SFMBT1: variants seen among roughly 807,000 people sequenced by gnomAD.
SFMBT1 encodes Scm like with four mbt domains 1, also known as scm-like with four MBT domains protein 1.
A neutral mutation model predicts 108.7 loss-of-function variants in SFMBT1; 32 were observed. The observed-to-expected ratio is 0.29, with a 90% CI of 0.22 to 0.40. The LOEUF (loss-of-function observed/expected upper bound fraction) is 0.40, where lower values mean the gene tolerates loss of function less well. SFMBT1 is among the 10% of genes least tolerant of loss of function. The pLI, the probability that SFMBT1 is intolerant of heterozygous loss-of-function variation, is 1.00. For synonymous variants in SFMBT1, 348 were observed against 369.5 expected, an observed-to-expected ratio of 0.94 and a Z score of 0.67; for missense variants, 816 against 1,059.6, an observed-to-expected ratio of 0.77 and a Z score of 3.19.
At chr3:53,024,947 T>C (rs1699438310) in intron 1 of SFMBT1, among the ~76,000 whole-genome samples, 2 of 152,194 alleles carry the variant, frequency 1.3e-5, no homozygotes, top group South Asian at 2.1e-4. Context: ...AAGTATACAA[T>C]GACTTTAGCC....
At position 52,907,549 on chromosome 3, in the gene SFMBT1, TCATACCTGGGG is replaced by T; in HGVS notation, c.2080_2085+5del. 1 of 1,611,186 alleles carries T rather than the reference TCATACCTGGGG, an allele frequency of 6.2e-7. No individual in the cohort carries two copies. Among genetic ancestry groups the T allele is most frequent in the Non-Finnish European group, 8.5e-7 (1 of 1,178,700 alleles). ...AGACATTACAGGCACATCACAGATC[TCATACCTGGGG>T]AGAGCCCGCTGGGGTATTATCAACA... On this transcript the variant is annotated splice_donor_variant and splice_donor_5th_base_variant and coding_sequence_variant and intron_variant, in exon 18 of 21. Coordinates refer to ENST00000394752, the MANE Select transcript of SFMBT1 (RefSeq NM_016329.4). LOFTEE classifies it high-confidence loss of function.
Position 52,954,311 on chromosome 3 carries a change from G to C in SFMBT1, c.123+6C>G. The C allele has an allele frequency of 6.3e-7, 1 of 1,598,554 alleles. No homozygotes were observed. The highest frequency in any genetic ancestry group is 1.1e-5 in the South Asian group (1 of 90,128). On this transcript the variant is annotated splice_donor_region_variant and intron_variant, in intron 3 of 20. Transcript: ENST00000394752. ...CACCAGTAAGGCAAATATAGTTATT[G>C]CTTACATGTTTAAAAGACCCATAGG...
intron 1 of SFMBT1, among the ~76,000 whole-genome samples, chr3:52,996,070 C>A (rs1343744870): frequency 5.0e-5 from 7 of 141,376 alleles, no homozygotes; most frequent in African/African-American, 7.7e-5. Flanking sequence ...GACTCCATCT[C>A]AAAAAAAAAC....
chr3:53,039,522 G>T (rs954832924), intron 1 of SFMBT1, among the ~76,000 whole-genome samples: 3 of 152,150 alleles, frequency 2.0e-5, no homozygotes, highest in African/African-American at 7.2e-5. Flanking sequence ...GATTAAAAAA[G>T]TTCTAGAGAT....
At chr3:53,015,869 C>G (rs1027571669) in intron 1 of SFMBT1, among the ~76,000 whole-genome samples, 3 of 152,128 alleles carry the variant, frequency 2.0e-5, no homozygotes, top group Admixed American at 2.0e-4. Flanking sequence ...GATGGTTACA[C>G]TACCCTGTAA....
At chr3:52,965,752 A>G (rs2106852434) in intron 2 of SFMBT1, among the ~76,000 whole-genome samples, 1 of 152,304 alleles carries the variant, frequency 6.6e-6, no homozygotes, top group South Asian at 2.1e-4. Context: ...CAGGCCTGTA[A>G]TCCTAGCACT....
chr3:53,013,830 T>C (rs774344086), intron 1 of SFMBT1, among the ~76,000 whole-genome samples: 7 of 152,062 alleles, frequency 4.6e-5, no homozygotes, highest in Non-Finnish European at 7.4e-5. Context: ...GGTTTCACCA[T>C]GTTGGTCAGG....
intron 1 of SFMBT1, among the ~76,000 whole-genome samples, chr3:53,037,247 A>G (rs1285495493): frequency 1.3e-5 from 2 of 152,206 alleles, no homozygotes; most frequent in Non-Finnish European, 2.9e-5. Flanking sequence ...AGGGGAGGCC[A>G]GAAGAGACCA....
At chr3:52,925,672 C>T (rs978332952) in intron 10 of SFMBT1, among the ~76,000 whole-genome samples, 2 of 152,212 alleles carry the variant, frequency 1.3e-5, no homozygotes, top group Admixed American at 6.5e-5. Flanking sequence ...CTTTAAACCA[C>T]ATGCATGTAT....
intron 1 of SFMBT1, among the ~76,000 whole-genome samples, chr3:53,034,071 C>CAAA (rs61046895): frequency 1.4e-4 from 4 of 28,662 alleles, no homozygotes; most frequent in African/African-American, 3.0e-4. Flanking sequence ...ACTCTGTCTC[C>CAAA]AAAAAAAAAA....
chr3:52,966,240 C>A (rs1299378587), intron 2 of SFMBT1, among the ~76,000 whole-genome samples: 1 of 147,846 alleles, frequency 6.8e-6, no homozygotes, highest in Non-Finnish European at 1.5e-5. Context: ...TGGCGTGAAC[C>A]CGGGAGGCAA....
Position 52,907,178 on chromosome 3 carries a change from G to C in SFMBT1, c.2222C>G (p.Pro741Arg). The C allele has an allele frequency of 6.2e-7, 1 of 1,614,074 alleles. No individual in the cohort carries two copies. The highest frequency in any genetic ancestry group is 8.5e-7 in the Non-Finnish European group (1 of 1,180,008). The change falls in exon 19 of 21, where the codon CCC becomes CGC. Residue 741 changes from proline (P) to arginine (R), a missense_variant. Transcript: ENST00000394752. ...CGATGTGGATATCTCACTTTGGGTGGGAGAAGAGGAGCATGACTTTTTTTC... is the reference window on the plus strand; with the variant it reads ...CGATGTGGATATCTCACTTTGGGTGCGAGAAGAGGAGCATGACTTTTTTTC... ...MSEKKSCSSS[P>R]TQSEISTSLP...
At chr3:52,968,559 T>G (rs940916068) in intron 2 of SFMBT1, among the ~76,000 whole-genome samples, 2 of 152,054 alleles carry the variant, frequency 1.3e-5, no homozygotes, top group Non-Finnish European at 2.9e-5. Context: ...TCATCAAAAT[T>G]TTAATGCTAT....
In SFMBT1 at chr3:52,926,120, G is replaced by A; in HGVS notation, c.1049-7C>T. 1 of 1,606,240 alleles carries A rather than the reference G, an allele frequency of 6.2e-7. No individual in the cohort carries two copies. Among genetic ancestry groups the A allele is most frequent in the Non-Finnish European group, 8.5e-7 (1 of 1,176,626 alleles). On this transcript the variant is annotated splice_polypyrimidine_tract_variant and splice_region_variant and intron_variant, in intron 9 of 20. Transcript: ENST00000394752. The stretch of plus-strand genomic sequence containing the variant: ...AAGTCCTGGCTTGGGTAGCCTAGGT[G>A]GGGACAAATGAACAATGAGTCACAC...
rs1430320127 is a variant in SFMBT1 at position 52,989,954 on chromosome 3, T to G, written c.-130-20696A>C. Among the ~76,000 whole-genome samples the G allele has an allele frequency of 2.6e-5, 4 of 152,184 alleles. No individual in the cohort carries two copies. The East Asian group carries it at 5.8e-4, about 22-fold the overall frequency. On this transcript the variant is annotated intron_variant, in intron 1 of 20. Transcript: ENST00000394752. Reference sequence around the variant, plus strand: ...AAATTAACAACGAAAAAGGTAGGCTTAAGGCAGACAATTGGTTACTAATGT... The same window carrying G: ...AAATTAACAACGAAAAAGGTAGGCTGAAGGCAGACAATTGGTTACTAATGT...
intron 2 of SFMBT1, among the ~76,000 whole-genome samples, chr3:52,967,910 T>C (rs1232562760): frequency 6.6e-6 from 1 of 152,208 alleles, no homozygotes; most frequent in African/African-American, 2.4e-5. Flanking sequence ...GGAGCATAAT[T>C]TTGCAGTTTT....
At chr3:52,991,544 A>T (rs1705131841) in intron 1 of SFMBT1, among the ~76,000 whole-genome samples, 1 of 151,972 alleles carries the variant, frequency 6.6e-6, no homozygotes, top group Non-Finnish European at 1.5e-5. Flanking sequence ...GGGTTTCACC[A>T]TGTTGGCCAG....
intron 1 of SFMBT1, among the ~76,000 whole-genome samples, chr3:53,039,849 CATGTGCAGG>C (rs1489209343): frequency 6.6e-6 from 1 of 152,058 alleles, no homozygotes; most frequent in Non-Finnish European, 1.5e-5. Flanking sequence ...TTCCAGGATA[CATGTGCAGG>C]ATGCGCAGGT....
intron 1 of SFMBT1, among the ~76,000 whole-genome samples, chr3:53,002,575 CCA>C (rs1559545164): frequency 6.7e-6 from 1 of 149,984 alleles, no homozygotes; most frequent in Non-Finnish European, 1.5e-5. Flanking sequence ...TGAACACCTG[CCA>C]CAGTGAACTG....
Sources: allele counts gnomAD v4.1 joint callset (sites outside exome capture counted in the v4.1 genomes callset), GRCh38; gene constraint gnomAD v4.1.1; transcripts MANE v1.5; gene names NCBI Gene and HGNC (gene_info 2026-07-23, HGNC 2026-07-21).